FAM135B: variants seen among roughly 807,000 people sequenced by gnomAD.
FAM135B encodes the protein family with sequence similarity 135 member B.
A neutral mutation model predicts 127.7 loss-of-function variants in FAM135B; 43 were observed. The ratio of observed to expected loss-of-function variants is 0.34; its 90% CI spans 0.26 to 0.43. FAM135B has a LOEUF of 0.43. Among genes scored for constraint, FAM135B ranks in the 20% least tolerant of loss-of-function variants. FAM135B has a pLI of 1.00. For synonymous variants in FAM135B, 670 were observed against 665.1 expected (o/e 1.01, Z -0.11); for missense variants, 1,558 against 1,725.6 (o/e 0.90, Z 1.72).
intron 1 of FAM135B, among the ~76,000 whole-genome samples, chr8:138,485,254 T>C (rs191226301): frequency 2.5e-4 from 38 of 152,334 alleles, no homozygotes; most frequent in African/African-American, 7.9e-4. Flanking sequence ...AGTGTTGTCA[T>C]GGGTTGATGG....
At chr8:138,377,368 CT>C (rs1831545070) in intron 1 of FAM135B, among the ~76,000 whole-genome samples, 1 of 152,178 alleles carries the variant, frequency 6.6e-6, no homozygotes, top group East Asian at 1.9e-4. Flanking sequence ...CTGTTTTCTG[CT>C]GCTATAACAG....
chr8:138,153,387 G>A (rs560177084), intron 12 of FAM135B, among the ~76,000 whole-genome samples, 171 bp from the exon 13 acceptor site: 36 of 152,300 alleles, frequency 2.4e-4, no homozygotes, highest in African/African-American at 7.9e-4. Context: ...TGCAGAAGAC[G>A]GGTGATTTCT....
chr8:138,442,267 T>TATATATATACATATATAC (rs1554694338), intron 1 of FAM135B, among the ~76,000 whole-genome samples: 20 of 86,748 alleles, frequency 2.3e-4, no homozygotes, highest in African/African-American at 8.5e-4. Flanking sequence ...TATATATATA[T>TATATATATACATATATAC]ATATATATAT....
chr8:138,241,507 G>A lies in FAM135B; in HGVS notation c.669+1435C>T, dbSNP rs1332669038. Among the ~76,000 whole-genome samples, 1 of 152,162 alleles carries A rather than the reference G, an allele frequency of 6.6e-6. No homozygotes were observed. Among genetic ancestry groups the A allele is most frequent in the Non-Finnish European group, 1.5e-5 (1 of 68,036 alleles). On this transcript the variant is annotated intron_variant, in intron 7 of 19. Transcript: ENST00000395297. This position sits in a 1 kb window ranked among gnomAD's most constrained non-coding sequence, Gnocchi z 4.8. ...CAGCTTGGACAAGATGAAGACATGA[G>A]TTGGGCAGCTTTTGCCACCAGACCT...
intron 1 of FAM135B, among the ~76,000 whole-genome samples, chr8:138,411,220 C>T (rs971232913): frequency 6.6e-6 from 1 of 151,758 alleles, no homozygotes; most frequent in African/African-American, 2.4e-5. Context: ...GGAGGCATCA[C>T]TCTACCTCAC....
intron 7 of FAM135B, among the ~76,000 whole-genome samples, chr8:138,207,787 T>C (rs1008070773): frequency 6.6e-6 from 1 of 152,168 alleles, no homozygotes; most frequent in African/African-American, 2.4e-5. Context: ...AAGAAACAGG[T>C]CTGCCTTGTT....
At chr8:138,354,220 T>C (rs559329769) in intron 2 of FAM135B, among the ~76,000 whole-genome samples, 39 of 152,264 alleles carry the variant, frequency 2.6e-4, no homozygotes, top group African/African-American at 7.9e-4. Context: ...CCTTTATCTA[T>C]AGATACAATC....
chr8:138,442,859 G>C (rs752758865), intron 1 of FAM135B, among the ~76,000 whole-genome samples: 2 of 152,130 alleles, frequency 1.3e-5, no homozygotes, highest in Non-Finnish European at 1.5e-5. Flanking sequence ...GACAGCAATG[G>C]AGTTTGGGAA....
At chr8:138,158,162 G>T (rs556460237) in intron 12 of FAM135B, among the ~76,000 whole-genome samples, 1 of 152,272 alleles carries the variant, frequency 6.6e-6, no homozygotes, top group Admixed American at 6.5e-5. Flanking sequence ...ACAACCATCT[G>T]ATCTTTGACA....
At chr8:138,180,430 C>T (rs1416087534) in intron 9 of FAM135B, among the ~76,000 whole-genome samples, 1 of 152,222 alleles carries the variant, frequency 6.6e-6, no homozygotes, top group Admixed American at 6.5e-5. Context: ...CATCCAATCC[C>T]ATTCCTTTCT....
intron 1 of FAM135B, among the ~76,000 whole-genome samples, chr8:138,370,886 A>G (rs1228929027): frequency 1.3e-5 from 2 of 152,172 alleles, no homozygotes; most frequent in Non-Finnish European, 2.9e-5. Flanking sequence ...ATTAGTGGGA[A>G]GCTATCAGAG....
At chr8:138,445,569 T>C (rs925261896) in intron 1 of FAM135B, among the ~76,000 whole-genome samples, 5 of 152,178 alleles carry the variant, frequency 3.3e-5, no homozygotes, top group South Asian at 2.1e-4. Context: ...ATTATCTCAA[T>C]AGATGCAGAA....
chr8:138,476,211 G>T (rs1226492298), intron 1 of FAM135B, among the ~76,000 whole-genome samples: 1 of 152,066 alleles, frequency 6.6e-6, no homozygotes, highest in African/African-American at 2.4e-5. Flanking sequence ...GGTCTGGGGG[G>T]ATTGAAAAAT....
At chr8:138,185,372 C>T (rs1354049346) in intron 9 of FAM135B, among the ~76,000 whole-genome samples, 1 of 152,172 alleles carries the variant, frequency 6.6e-6, no homozygotes, top group Non-Finnish European at 1.5e-5. Context: ...AGATCAGCTC[C>T]TTCACAGCAG....
chr8:138,342,821 T>C (rs1249838051), intron 2 of FAM135B, among the ~76,000 whole-genome samples: 2 of 152,116 alleles, frequency 1.3e-5, no homozygotes, highest in East Asian at 1.9e-4. Context: ...TGCATCCCCA[T>C]AGACATGTCA....
At chr8:138,333,978 A>G (rs1465184345) in intron 2 of FAM135B, among the ~76,000 whole-genome samples, 1 of 152,220 alleles carries the variant, frequency 6.6e-6, no homozygotes, top group Non-Finnish European at 1.5e-5. Context: ...GCTGGAGTGC[A>G]GTGGCATGAT....
At chr8:138,292,443 C>T (rs1289786652) in intron 3 of FAM135B, among the ~76,000 whole-genome samples, 2 of 151,876 alleles carry the variant, frequency 1.3e-5, no homozygotes, top group African/African-American at 2.4e-5. Flanking sequence ...CACAAAAGAC[C>T]TCAAATAGCC....
chr8:138,351,456 A>G (rs1005851957), intron 2 of FAM135B, among the ~76,000 whole-genome samples: 1 of 152,200 alleles, frequency 6.6e-6, no homozygotes, highest in Non-Finnish European at 1.5e-5. Flanking sequence ...GCCAAGGCAC[A>G]TCAGAGATTA....
intron 1 of FAM135B, among the ~76,000 whole-genome samples, chr8:138,397,580 AAAT>A: frequency 6.6e-6 from 1 of 152,334 alleles, no homozygotes; most frequent in Admixed American, 6.5e-5. Flanking sequence ...AACTCAGTGA[AAAT>A]AATTGCTGTT....
Sources: allele counts gnomAD v4.1 joint callset (sites outside exome capture counted in the v4.1 genomes callset), GRCh38; gene constraint gnomAD v4.1.1; non-coding constraint Gnocchi (gnomAD v3.1); transcripts MANE v1.5; gene names NCBI Gene and HGNC (gene_info 2026-07-23, HGNC 2026-07-21).